The following VSIG4 variants were observed in gnomAD, a reference collection of about 807,000 sequenced individuals.
The protein encoded by VSIG4 is V-set and immunoglobulin domain-containing protein 4.
Under a neutral mutation model 23.4 loss-of-function variants are expected in VSIG4, and 34 were observed. The ratio of observed to expected loss-of-function variants is 1.45; its 90% CI spans 1.10 to 1.93. VSIG4 has a LOEUF of 1.93. Among genes scored for constraint, VSIG4 ranks in the 30% most tolerant of loss-of-function variants. The probability of loss-of-function intolerance (pLI) is 0.00; values close to 1 mark genes in which losing one functional copy is unlikely to be tolerated. For synonymous variants in VSIG4, 169 were observed against 120.3 expected (o/e 1.41, Z -2.65); for missense variants, 433 against 310.8 (o/e 1.39, Z -2.96).
intron 3 of VSIG4, among the ~76,000 whole-genome samples, chrX:66,031,669 G>A (rs964660391): frequency 9.0e-6 from 1 of 110,917 alleles, no homozygotes; most frequent in Non-Finnish European, 1.9e-5. Flanking sequence ...TCTTTCCAAG[G>A]AGATCTCTTG....
intron 7 of VSIG4, 123 bp downstream of exon 7, chrX:66,022,718 C>T: frequency 8.5e-7 from 1 of 1,173,938 alleles, no homozygotes; most frequent in Non-Finnish European, 1.1e-6. Context: ...ATGTCCTGAC[C>T]CTGAAGGCCT....
intron 3 of VSIG4, among the ~76,000 whole-genome samples, chrX:66,029,146 G>A (rs142185110): frequency 0.011 from 1,256 of 111,291 alleles, 13 homozygotes; most frequent in Admixed American, 0.048. Flanking sequence ...TAGATGTGGC[G>A]AAACATATTA....
chrX:66,025,127 T>C lies in VSIG4; in HGVS notation c.838A>G (p.Lys280Glu). 2 of 1,175,797 alleles carry C rather than the reference T, an allele frequency of 1.7e-6. No individual in the cohort carries two copies. Among genetic ancestry groups the C allele is most frequent in the East Asian group, 3.0e-5 (1 of 32,966 alleles). ...YLGETSAGPG[K>E]SLPVFAIILI... ...ATGATGGCAAAGACAGGCAGGCTCT[T>C]TCCTAGAGGGTAAAACAAGATCAAG... is the stretch of plus-strand genomic sequence containing the variant. The change falls in exon 6 of 8, where the codon AAG becomes GAG. Residue 280 changes from lysine (K) to glutamate (E), a missense_variant and splice_region_variant. Physicochemically the swap from Lys to Glu is moderately conservative, Grantham distance 56. Transcript: ENST00000374737.
chrX:66,038,218 T>C (rs2085641839), intron 1 of VSIG4, among the ~76,000 whole-genome samples: 2 of 110,881 alleles, frequency 1.8e-5, no homozygotes, highest in South Asian at 7.7e-4. Flanking sequence ...CGCTACAGGG[T>C]TTTTAGCAGT....
chrX:66,022,436 A>T lies in VSIG4; in HGVS notation c.1027T>A (p.Cys343Ser). 8.3e-7 allele frequency: 1 copy of T among 1,212,093 alleles called. No individual in the cohort carries two copies. Among genetic ancestry groups the T allele is most frequent in the Non-Finnish European group, 1.1e-6 (1 of 895,578 alleles). Residue 343 changes from cysteine to serine, a missense_variant, in exon 8 of 8, where the codon TGC becomes AGC. Coordinates refer to ENST00000374737, the MANE Select transcript of VSIG4 (RefSeq NM_007268.3). Reference sequence around the variant, plus strand: ...TGGGAAGTTGGCTCATCACTGGAGCAGCCACTTGCGAAGATGGCCACCCTC... The same window carrying T: ...TGGGAAGTTGGCTCATCACTGGAGCTGCCACTTGCGAAGATGGCCACCCTC... Reference protein sequence around the residue: ...TMRVAIFASGCSSDEPTSQNL... With the variant: ...TMRVAIFASGSSSDEPTSQNL...
In VSIG4 at chrX:66,033,708, G is replaced by A. The variant is rs751653148; in HGVS notation, c.178C>T (p.Arg60Cys). ...TQVLVKWLVQ[R>C]GSDPVTIFLR... ...AAGATGGTGACAGGGTCTGAGCCAC[G>A]TTGTACCAGCCACTTCACCAAGACT... Residue 60 changes from arginine (R) to cysteine (C), a missense_variant, in exon 2 of 8, where the codon CGT (arginine) becomes TGT (cysteine). Arg to Cys is a radical substitution (Grantham distance 180). Coordinates refer to ENST00000374737, the MANE Select transcript of VSIG4 (RefSeq NM_007268.3). The A allele has an allele frequency of 1.7e-6, 2 of 1,209,512 alleles. No homozygotes were observed. Among genetic ancestry groups the A allele is most frequent in the African/African-American group, 1.8e-5 (1 of 57,100 alleles).
At chrX:66,031,734 C>T (rs950758991) in intron 3 of VSIG4, among the ~76,000 whole-genome samples, 1 of 111,322 alleles carries the variant, frequency 9.0e-6, no homozygotes. Flanking sequence ...ATTTAAGCCT[C>T]AGCTTACAGT....
At chrX:66,022,624 C>T in intron 7 of VSIG4, 124 bp from the exon 8 acceptor site, 1 of 1,133,836 alleles carries the variant, frequency 8.8e-7, no homozygotes. Flanking sequence ...ATTCTGGAAG[C>T]AGAAGGCAGA....
intron 3 of VSIG4, among the ~76,000 whole-genome samples, chrX:66,030,177 C>T (rs1002532941): frequency 9.0e-6 from 1 of 111,059 alleles, no homozygotes; most frequent in Non-Finnish European, 1.9e-5. Flanking sequence ...GGATCCACTG[C>T]TACACAGATG....
chrX:66,034,270 G>C (rs1367438252), intron 1 of VSIG4, among the ~76,000 whole-genome samples: 1 of 111,958 alleles, frequency 8.9e-6, no homozygotes, highest in African/African-American at 3.2e-5. Context: ...TAAGCATTTG[G>C]GTCTGGACTA....
Position 66,022,418 on chromosome X carries a change from T to A in VSIG4, c.1045A>T (p.Thr349Ser), listed in dbSNP as rs1258030968. ...FASGCSSDEP[T>S]SQNLGNNYSD... ...TAGTTGTTGCCCAGATTCTGGGAAG[T>A]TGGCTCATCACTGGAGCAGCCACTT... Residue 349 changes from threonine (T) to serine (S), a missense_variant, in exon 8 of 8, where the codon ACT becomes TCT. Physicochemically the swap from Thr to Ser is moderately conservative, Grantham distance 58. Transcript: ENST00000374737. 1 of 1,212,109 alleles carries A rather than the reference T, an allele frequency of 8.3e-7. No homozygotes were observed. Among genetic ancestry groups the A allele is most frequent in the Non-Finnish European group, 1.1e-6 (1 of 895,575 alleles).
In VSIG4 at chrX:66,032,460, C is replaced by T. The variant is rs1260014293; in HGVS notation, c.694+8G>A. 2 of 1,203,833 alleles carry T rather than the reference C, an allele frequency of 1.7e-6. No individual in the cohort carries two copies. Among genetic ancestry groups the T allele is most frequent in the South Asian group, 1.8e-5 (1 of 56,383 alleles). ...TTAAGATGCTCACCAGGAAAGAGGG[C>T]CGCTCACCTTTGACCACAAACTTCA... On this transcript the variant is annotated splice_region_variant and intron_variant, in intron 3 of 7. Transcript: ENST00000374737.
chrX:66,027,947 AGTGACT>A (rs1360803145), intron 4 of VSIG4, 97 bp downstream of exon 4: 2 of 755,378 alleles, frequency 2.6e-6, no homozygotes, highest in Non-Finnish European at 2.1e-6. Context: ...TGAGGAACCA[AGTGACT>A]GTTTATTAGC....
At chrX:66,034,729 T>G (rs2085514720) in intron 1 of VSIG4, among the ~76,000 whole-genome samples, 1 of 83,749 alleles carries the variant, frequency 1.2e-5, no homozygotes, top group Non-Finnish European at 2.2e-5. Context: ...AATGGGAGAT[T>G]GCTCCTTGGC....
intron 3 of VSIG4, among the ~76,000 whole-genome samples, chrX:66,029,094 G>A (rs1178296022): frequency 9.0e-6 from 1 of 111,403 alleles, no homozygotes; most frequent in African/African-American, 3.3e-5. Context: ...AAAACCATAA[G>A]CTTCTCCCTC....
At position 66,021,955 on chromosome X, in the gene VSIG4, G is replaced by C; in HGVS notation, c.*308C>G. ...CTTCTGGTGGCAAGATGCCAAAGTT[G>C]AATAGTGTCTGTAGGCATGATGACC... On this transcript the variant is annotated 3_prime_UTR_variant, in exon 8 of 8. Transcript: ENST00000374737. The C allele has an allele frequency of 1.2e-6, 1 of 857,627 alleles. No homozygotes were observed. Among genetic ancestry groups the C allele is most frequent in the Non-Finnish European group, 1.6e-6 (1 of 618,675 alleles). 70.7% of individuals were successfully genotyped at this position (857,627 alleles called of 1,213,427 possible). A position where few individuals can be genotyped will look rare whatever the true frequency, so the allele number is the denominator to read the frequency against.
At chrX:66,034,959 C>T (rs937692452) in intron 1 of VSIG4, among the ~76,000 whole-genome samples, 6 of 110,837 alleles carry the variant, frequency 5.4e-5, no homozygotes, top group Admixed American at 9.7e-5. Context: ...ATGAGGTATT[C>T]CTGAATAAAA....
chrX:66,037,703 T>G (rs1171611165), intron 1 of VSIG4, among the ~76,000 whole-genome samples: 1 of 94,296 alleles, frequency 1.1e-5, no homozygotes, highest in Non-Finnish European at 2.0e-5. Flanking sequence ...ATATTATACT[T>G]ATTACTGATA....
At chrX:66,035,751 A>G (rs1034501299) in intron 1 of VSIG4, among the ~76,000 whole-genome samples, 6 of 112,326 alleles carry the variant, frequency 5.3e-5, no homozygotes, top group Admixed American at 9.5e-5. Context: ...TTGGTTTAAT[A>G]GGCTATTTCC....
Sources: allele counts gnomAD v4.1 joint callset (sites outside exome capture counted in the v4.1 genomes callset), GRCh38; gene constraint gnomAD v4.1.1; transcripts MANE v1.5; gene names NCBI Gene and HGNC (gene_info 2026-07-23, HGNC 2026-07-21).